Variants in RIMS2 observed in about 807,000 individuals in gnomAD.
The protein encoded by RIMS2 is regulating synaptic membrane exocytosis 2.
In RIMS2, 59 loss-of-function variants were observed where a neutral mutation model predicts 174.4. The observed-to-expected ratio is 0.34, with a 90% CI of 0.27 to 0.42. The LOEUF is 0.42. Among genes scored for constraint, RIMS2 ranks in the 10% least tolerant of loss-of-function variants. RIMS2 has a pLI of 1.00. For synonymous variants in RIMS2, 606 were observed against 572.5 expected, an observed-to-expected ratio of 1.06 and a Z score of -0.84; for missense variants, 1,620 against 1,666.3, an observed-to-expected ratio of 0.97 and a Z score of 0.48.
intron 15 of RIMS2, among the ~76,000 whole-genome samples, chr8:103,967,429 C>G (rs1046473434): frequency 6.6e-6 from 1 of 151,654 alleles, no homozygotes; most frequent in African/African-American, 2.4e-5. Flanking sequence ...CCTGACCCCA[C>G]GTAATCCACC....
chr8:103,615,622 C>T (rs556196231), intron 1 of RIMS2, among the ~76,000 whole-genome samples: 25 of 151,926 alleles, frequency 1.6e-4, no homozygotes, highest in Middle Eastern at 3.4e-3. Flanking sequence ...ATAAAATAGG[C>T]CACTAGCTAG....
At chr8:104,135,314 G>A (rs2098509357) in intron 19 of RIMS2, among the ~76,000 whole-genome samples, 2 of 151,982 alleles carry the variant, frequency 1.3e-5, no homozygotes, top group Admixed American at 1.3e-4. Flanking sequence ...ATGCTGATAT[G>A]GGCCAGGCAT....
chr8:104,008,545 T>A (rs2095661051), intron 17 of RIMS2, among the ~76,000 whole-genome samples: 1 of 151,824 alleles, frequency 6.6e-6, no homozygotes, highest in Non-Finnish European at 1.5e-5. Flanking sequence ...TTCAGTATTG[T>A]ATTTGTCCCT....
intron 19 of RIMS2, among the ~76,000 whole-genome samples, chr8:104,212,902 GGTGT>G (rs2099111745): frequency 6.6e-6 from 1 of 152,128 alleles, no homozygotes; most frequent in African/African-American, 2.4e-5. Flanking sequence ...GTATGGTGGG[GGTGT>G]GTTATAGCTC....
chr8:104,139,940 A>C (rs1365317143), intron 19 of RIMS2, among the ~76,000 whole-genome samples: 1 of 152,118 alleles, frequency 6.6e-6, no homozygotes, highest in African/African-American at 2.4e-5. Context: ...TGTTCCTTCT[A>C]TACCCAGTTT....
At chr8:104,215,292 T>C (rs2099125045) in intron 19 of RIMS2, among the ~76,000 whole-genome samples, 1 of 152,196 alleles carries the variant, frequency 6.6e-6, no homozygotes, top group African/African-American at 2.4e-5. Context: ...AATGAATACA[T>C]GAAGCTTGGC....
At chr8:103,654,084 G>A (rs530325355) in intron 1 of RIMS2, among the ~76,000 whole-genome samples, 136 of 152,008 alleles carry the variant, frequency 8.9e-4, no homozygotes, top group African/African-American at 3.1e-3. Flanking sequence ...TTTCACTATG[G>A]CACTGAAGCT....
At chr8:103,685,279 T>C (rs969601936) in intron 1 of RIMS2, among the ~76,000 whole-genome samples, 6 of 152,148 alleles carry the variant, frequency 3.9e-5, no homozygotes, top group African/African-American at 1.2e-4. Flanking sequence ...AACCCTCCAT[T>C]CATGGTGGAA....
intron 1 of RIMS2, among the ~76,000 whole-genome samples, chr8:103,516,118 G>A (rs1586609754): frequency 1.3e-5 from 2 of 152,164 alleles, no homozygotes; most frequent in African/African-American, 4.8e-5. Context: ...CTAAATGAGA[G>A]GTTCTGTATT....
At chr8:103,813,241 TTG>T (rs2098699612) in intron 3 of RIMS2, among the ~76,000 whole-genome samples, 1 of 152,180 alleles carries the variant, frequency 6.6e-6, no homozygotes, top group African/African-American at 2.4e-5. Context: ...GGTTAGAGGC[TTG>T]TGTTGTTATT....
chr8:103,625,133 G>A (rs970368050), intron 1 of RIMS2, among the ~76,000 whole-genome samples: 1 of 151,928 alleles, frequency 6.6e-6, no homozygotes. Flanking sequence ...GGTTGGATAT[G>A]TAAAGGGCTG....
intron 1 of RIMS2, among the ~76,000 whole-genome samples, chr8:103,553,430 A>G (rs118050545): frequency 7.2e-5 from 11 of 151,848 alleles, no homozygotes; most frequent in Non-Finnish European, 1.5e-4. Flanking sequence ...GGAATATCAA[A>G]CACTGGGACC....
chr8:103,825,119 C>T (rs185233637), intron 3 of RIMS2, among the ~76,000 whole-genome samples: 7 of 152,232 alleles, frequency 4.6e-5, no homozygotes, highest in East Asian at 1.9e-4. Context: ...CACTCCTTCC[C>T]AGTCAATACC....
chr8:104,037,542 C>T (rs1448063539), intron 19 of RIMS2, among the ~76,000 whole-genome samples: 1 of 152,116 alleles, frequency 6.6e-6, no homozygotes, highest in African/African-American at 2.4e-5. Context: ...ATATCAAACA[C>T]CCTTGGTGAA....
intron 19 of RIMS2, among the ~76,000 whole-genome samples, chr8:104,116,277 T>C (rs2098276697): frequency 6.6e-6 from 1 of 152,208 alleles, no homozygotes; most frequent in Admixed American, 6.5e-5. Flanking sequence ...AATAGGATGT[T>C]CTATAAATTG....
chr8:103,685,452 A>G (rs999277389), intron 1 of RIMS2, among the ~76,000 whole-genome samples: 2 of 152,260 alleles, frequency 1.3e-5, no homozygotes, highest in Admixed American at 1.3e-4. Flanking sequence ...ATCCACCCCC[A>G]TGACCCAGAC....
chr8:104,094,885 A>G (rs2097729869), intron 19 of RIMS2, among the ~76,000 whole-genome samples: 1 of 152,110 alleles, frequency 6.6e-6, no homozygotes. Flanking sequence ...ACTATTATCA[A>G]ATAGATTGAT....
intron 19 of RIMS2, among the ~76,000 whole-genome samples, chr8:104,222,146 T>C (rs1414004027): frequency 6.6e-6 from 1 of 152,232 alleles, no homozygotes; most frequent in Non-Finnish European, 1.5e-5. Context: ...CTTAACTTTT[T>C]ATTTGCATTC....
chr8:104,203,103 C>T lies in RIMS2; in HGVS notation c.3335-41813C>T, dbSNP rs72685043. On this transcript the variant is annotated intron_variant, in intron 19 of 23. Transcript: ENST00000504942. ...TAAGATATTGTCATTCCTCCCAGCC[C>T]CGCAAATATAAAATGATTTATCAGG... is the stretch of plus-strand genomic sequence containing the variant. Among the ~76,000 whole-genome samples, 731 of 152,142 alleles carry T rather than the reference C, an allele frequency of 4.8e-3. 2 individuals are homozygous for T. Among genetic ancestry groups the T allele is most frequent in the Non-Finnish European group, 7.5e-3 (509 of 67,994 alleles).
Sources: allele counts gnomAD v4.1 joint callset (sites outside exome capture counted in the v4.1 genomes callset), GRCh38; gene constraint gnomAD v4.1.1; transcripts MANE v1.5; gene names NCBI Gene and HGNC (gene_info 2026-07-23, HGNC 2026-07-21).